The following IPO7 variants were observed in gnomAD, a reference collection of about 807,000 sequenced individuals.
The protein encoded by IPO7 is importin 7, also known as importin-7.
In IPO7, 13 loss-of-function variants were observed where a neutral mutation model predicts 136.4. That is an observed-to-expected ratio of 0.10 (90% CI 0.06 to 0.15). The LOEUF is 0.15. IPO7 is among the 10% of genes least tolerant of loss of function. The probability of loss-of-function intolerance (pLI) is 1.00; values close to 1 mark genes in which losing one functional copy is unlikely to be tolerated. For missense variants in IPO7, 857 were observed against 1,240.6 expected, an observed-to-expected ratio of 0.69 and a Z score of 4.65; for synonymous variants, 403 against 404.4, an observed-to-expected ratio of 1.00 and a Z score of 0.04.
At chr11:9,426,016 A>G (rs1406960479) in intron 12 of IPO7, among the ~76,000 whole-genome samples, 2 of 152,084 alleles carry the variant, frequency 1.3e-5, no homozygotes, top group Non-Finnish European at 2.9e-5. Context: ...ACTGCACTCC[A>G]TGCTCCAGTC....
At chr11:9,401,962 G>A (rs1033531572) in intron 1 of IPO7, among the ~76,000 whole-genome samples, 2 of 152,120 alleles carry the variant, frequency 1.3e-5, no homozygotes, top group African/African-American at 4.8e-5. Flanking sequence ...GAGCCACCAT[G>A]CCTGGACTAA....
At chr11:9,390,398 A>G (rs991467096) in intron 1 of IPO7, among the ~76,000 whole-genome samples, 5 of 151,892 alleles carry the variant, frequency 3.3e-5, no homozygotes, top group Non-Finnish European at 7.4e-5. Context: ...TAAATGGTTC[A>G]TTTGATTCCA....
chr11:9,401,014 C>T (rs1038258359), intron 1 of IPO7, among the ~76,000 whole-genome samples: 1 of 151,776 alleles, frequency 6.6e-6, no homozygotes, highest in African/African-American at 2.4e-5. Context: ...AAACCCGTCT[C>T]TACTAAAAAT....
At chr11:9,405,040 A>T (rs953146577) in intron 2 of IPO7, among the ~76,000 whole-genome samples, 2 of 152,206 alleles carry the variant, frequency 1.3e-5, no homozygotes, top group East Asian at 3.9e-4. Flanking sequence ...AAATAAATGA[A>T]TTTAAATTAT....
At chr11:9,385,719 C>G (rs898877473) in intron 1 of IPO7, among the ~76,000 whole-genome samples, 1 of 152,114 alleles carries the variant, frequency 6.6e-6, no homozygotes, top group Non-Finnish European at 1.5e-5. Context: ...ATTGCATTCT[C>G]TGAAGGTTTT....
chr11:9,438,540 G>A (rs1194798285), intron 22 of IPO7, among the ~76,000 whole-genome samples: 8 of 151,942 alleles, frequency 5.3e-5, no homozygotes, highest in Non-Finnish European at 1.2e-4. Flanking sequence ...CAGGAGAATC[G>A]CTTGAACCCA....
chr11:9,429,887 A>G, intron 15 of IPO7, 53 bp downstream of exon 15: 1 of 1,376,098 alleles, frequency 7.3e-7, no homozygotes, highest in African/African-American at 1.5e-5. Context: ...AGCTCTCAGT[A>G]TGTTCCAGGT....
At position 9,409,517 on chromosome 11, in the gene IPO7, T is replaced by C. The variant is rs367677537; in HGVS notation, c.321-411T>C. 9.2e-5 allele frequency among the ~76,000 whole-genome samples: 14 copies of C among 152,212 alleles called. No individual in the cohort carries two copies. The East Asian group carries it at 1.7e-3, about 19-fold the overall frequency. On this transcript the variant is annotated intron_variant, in intron 3 of 24. Coordinates refer to ENST00000379719, the MANE Select transcript of IPO7 (RefSeq NM_006391.3). ...GCCTCAGCCCCCGGAGTAGCTGGGA[T>C]TACAGGTGTGCACGACCAGGCCCAG...
At chr11:9,432,030 CAG>C (rs999189838) in intron 16 of IPO7, among the ~76,000 whole-genome samples, 20 of 152,242 alleles carry the variant, frequency 1.3e-4, no homozygotes, top group African/African-American at 4.6e-4. Flanking sequence ...TGAAAGCCCT[CAG>C]GGGACCACTT....
intron 1 of IPO7, chr11:9,392,117 A>G (rs776833685): frequency 1.6e-4 from 57 of 345,812 alleles, no homozygotes; most frequent in Non-Finnish European, 2.9e-4. Context: ...TAACCTCACT[A>G]TGCCTTATAT....
intron 1 of IPO7, among the ~76,000 whole-genome samples, chr11:9,390,669 T>C (rs1182705162): frequency 6.6e-6 from 1 of 152,128 alleles, no homozygotes; most frequent in Non-Finnish European, 1.5e-5. Context: ...CTGAAAGAGT[T>C]TGGGCGCAGT....
intron 3 of IPO7, 49 bp downstream of exon 3, chr11:9,408,688 GGTTTTTT>G: frequency 1.8e-6 from 2 of 1,102,932 alleles, no homozygotes; most frequent in Non-Finnish European, 2.4e-6. Context: ...TAACTTTCAG[GGTTTTTT>G]GTTTTTTGGT....
At position 9,430,958 on chromosome 11, in the gene IPO7, G is replaced by A; in HGVS notation, c.1836G>A (p.Leu612=). The A allele has an allele frequency of 3.7e-6, 6 of 1,611,032 alleles. No homozygotes were observed. Among genetic ancestry groups the A allele is most frequent in the Non-Finnish European group, 5.1e-6 (6 of 1,177,346 alleles). Residue 612 remains leucine (L), a synonymous_variant, in exon 16 of 25, where the codon CTG becomes CTA. Transcript: ENST00000379719. The stretch of plus-strand genomic sequence containing the variant: ...AAGCAGTTACTGCTATGGGAATTCT[G>A]AATACAATTGATACACTTCTTAGTG... ...DDKAVTAMGI[L]NTIDTLLSVV... is the part of the protein sequence containing the mutation.
rs79183200 is a variant in IPO7 at position 9,416,383 on chromosome 11, A to C, written c.637-676A>C. On this transcript the variant is annotated intron_variant, in intron 5 of 24. Transcript: ENST00000379719. Reference sequence around the variant, plus strand: ...ATTTGAATAAACACTAGTCTTTTCAATATTTTTTCTAACTAGGAGGATCAT... The same window carrying C: ...ATTTGAATAAACACTAGTCTTTTCACTATTTTTTCTAACTAGGAGGATCAT... 4.5e-3 allele frequency among the ~76,000 whole-genome samples: 682 copies of C among 152,308 alleles called. 6 individuals are homozygous for C. The highest frequency in any genetic ancestry group is 0.015 in the African/African-American group (634 of 41,570).
At chr11:9,394,600 CTT>C (rs755768803) in intron 1 of IPO7, among the ~76,000 whole-genome samples, 55 of 152,192 alleles carry the variant, frequency 3.6e-4, no homozygotes, top group Non-Finnish European at 7.1e-4. Context: ...AATTCATACT[CTT>C]TAAATTTTTT....
At chr11:9,432,019 T>C (rs1216194467) in intron 16 of IPO7, among the ~76,000 whole-genome samples, 1 of 152,070 alleles carries the variant, frequency 6.6e-6, no homozygotes, top group Non-Finnish European at 1.5e-5. Flanking sequence ...ATAGATGCAG[T>C]TGAAAGCCCT....
chr11:9,396,335 G>T (rs1189868360), intron 1 of IPO7, among the ~76,000 whole-genome samples: 1 of 152,192 alleles, frequency 6.6e-6, no homozygotes, highest in Non-Finnish European at 1.5e-5. Context: ...GGCGGAGGTT[G>T]CAGTGAGCCG....
intron 16 of IPO7, among the ~76,000 whole-genome samples, chr11:9,432,234 C>G: frequency 6.7e-6 from 1 of 150,352 alleles, no homozygotes; most frequent in Non-Finnish European, 1.5e-5. Flanking sequence ...CAGAGTCTCC[C>G]TTTGTTGCCT....
At chr11:9,429,510 A>AAG (rs1554955586) in intron 14 of IPO7, among the ~76,000 whole-genome samples, 164 bp from the exon 15 acceptor site, 1 of 149,884 alleles carries the variant, frequency 6.7e-6, no homozygotes, top group African/African-American at 2.4e-5. Flanking sequence ...CCTCTTATAA[A>AAG]ATATATATAT....
Sources: allele counts gnomAD v4.1 joint callset (sites outside exome capture counted in the v4.1 genomes callset), GRCh38; gene constraint gnomAD v4.1.1; transcripts MANE v1.5; gene names NCBI Gene and HGNC (gene_info 2026-07-23, HGNC 2026-07-21).